Variants in ZC3H12B observed in about 807,000 individuals in gnomAD.
ZC3H12B encodes zinc finger CCCH-type containing 12B.
Under a neutral mutation model 43.9 loss-of-function variants are expected in ZC3H12B, and 7 were observed. That is an observed-to-expected ratio of 0.16 (90% CI 0.09 to 0.30). The LOEUF is 0.30. Ranked by LOEUF, ZC3H12B falls within the 10% of genes least tolerant of loss-of-function variation. ZC3H12B has a pLI of 1.00. For missense variants in ZC3H12B, 475 were observed against 670.2 expected (o/e 0.71, Z 3.22); for synonymous variants, 222 against 241.7 (o/e 0.92, Z 0.76).
At chrX:65,394,241 T>C (rs993875642) in intron 2 of ZC3H12B, among the ~76,000 whole-genome samples, 2 of 112,399 alleles carry the variant, frequency 1.8e-5, no homozygotes, top group Non-Finnish European at 3.8e-5. Context: ...TTTGTTGCCA[T>C]TGCTTTTGGT....
At chrX:65,383,392 C>T (rs181547910) in intron 2 of ZC3H12B, among the ~76,000 whole-genome samples, 10 of 111,788 alleles carry the variant, frequency 8.9e-5, no homozygotes, top group Non-Finnish European at 1.7e-4. Flanking sequence ...GGAAAACTGG[C>T]TAGCCATATG....
the ZC3H12B span, among the ~76,000 whole-genome samples, chrX:65,252,747 G>A: frequency 7.2e-5 from 8 of 111,662 alleles, no homozygotes; most frequent in East Asian, 2.8e-4. Context: ...ATTATTATAC[G>A]TTGTCAGTGA....
intron 3 of ZC3H12B, among the ~76,000 whole-genome samples, chrX:65,465,729 AC>A (rs1010889072): frequency 1.8e-5 from 2 of 110,718 alleles, no homozygotes; most frequent in East Asian, 2.8e-4. Context: ...TTTCTAGTGT[AC>A]CATTTTAATC....
chrX:65,056,351 A>G, the ZC3H12B span, among the ~76,000 whole-genome samples: 1 of 111,216 alleles, frequency 9.0e-6, no homozygotes. Context: ...TTATGTACCC[A>G]GTAGTCATTC....
the ZC3H12B span, among the ~76,000 whole-genome samples, chrX:65,141,937 C>G: frequency 8.9e-6 from 1 of 112,008 alleles, no homozygotes; most frequent in African/African-American, 3.2e-5. Flanking sequence ...GTTGGATTCA[C>G]GTTTTTGCAA....
the ZC3H12B span, among the ~76,000 whole-genome samples, chrX:65,071,289 G>GTTTTTTT: frequency 1.2e-5 from 1 of 80,614 alleles, no homozygotes; most frequent in Admixed American, 1.3e-4. Context: ...CTTTTTTTCA[G>GTTTTTTT]TTTTTTTTTT....
At chrX:65,368,755 G>C (rs748363131) in intron 1 of ZC3H12B, 74 bp from the exon 4 acceptor site, 1 of 112,088 alleles carries the variant, frequency 8.9e-6, no homozygotes, top group Non-Finnish European at 1.9e-5. Context: ...ATGGGTAAAA[G>C]GTGTTTCAGT....
At chrX:65,254,297 C>A in the ZC3H12B span, among the ~76,000 whole-genome samples, 1 of 112,587 alleles carries the variant, frequency 8.9e-6, no homozygotes, top group African/African-American at 3.2e-5. Flanking sequence ...TTGACTGTCA[C>A]CAGCCATTGC....
the ZC3H12B span, among the ~76,000 whole-genome samples, chrX:65,114,709 C>T: frequency 1.8e-5 from 2 of 110,217 alleles, no homozygotes; most frequent in Non-Finnish European, 3.8e-5. Flanking sequence ...TGATTTTTCT[C>T]TAATATTAAA....
chrX:65,397,929 A>G (rs1244220384), intron 2 of ZC3H12B, among the ~76,000 whole-genome samples: 2 of 112,394 alleles, frequency 1.8e-5, no homozygotes, highest in African/African-American at 6.5e-5. Context: ...CAAATTTAAT[A>G]AATTTGCAGG....
rs1273698123 is a variant in ZC3H12B, at chrX:65,388,677, G to A, written n.296-9916G>A. Among the ~76,000 whole-genome samples, 3 of 111,821 alleles carry A rather than the reference G, an allele frequency of 2.7e-5. No homozygotes were observed. The East Asian group carries it at 8.5e-4, about 31-fold the overall frequency. Reference sequence around the variant, plus strand: ...ATTCTCCATCCGGGTTTGTTCCATTGCTGGTGAGGAGCTGCATTCCTTTGG... The same window carrying A: ...ATTCTCCATCCGGGTTTGTTCCATTACTGGTGAGGAGCTGCATTCCTTTGG... On this transcript the variant is annotated intron_variant and non_coding_transcript_variant, in intron 2 of 5. Coordinates refer to the ZC3H12B transcript ENST00000617377.
the ZC3H12B span, among the ~76,000 whole-genome samples, chrX:65,242,511 G>A: frequency 1.8e-5 from 2 of 112,285 alleles, no homozygotes; most frequent in Admixed American, 1.9e-4. Context: ...GAAATATTCT[G>A]TGTTAACAGA....
At chrX:65,164,780 A>T in the ZC3H12B span, among the ~76,000 whole-genome samples, 1 of 112,012 alleles carries the variant, frequency 8.9e-6, no homozygotes, top group African/African-American at 3.2e-5. Flanking sequence ...GTACTCTGAA[A>T]AAAGAGGTAC....
At chrX:65,071,866 C>T in the ZC3H12B span, among the ~76,000 whole-genome samples, 1 of 111,601 alleles carries the variant, frequency 9.0e-6, no homozygotes, top group South Asian at 3.8e-4. Context: ...TGACCTTTCT[C>T]TCTAGCTGCC....
the ZC3H12B span, among the ~76,000 whole-genome samples, chrX:65,206,175 G>A: frequency 9.0e-6 from 1 of 111,679 alleles, no homozygotes; most frequent in Non-Finnish European, 1.9e-5. Context: ...TAAAATTCAT[G>A]TGGAACCAAA....
At chrX:65,089,918 G>A in the ZC3H12B span, among the ~76,000 whole-genome samples, 1 of 111,410 alleles carries the variant, frequency 9.0e-6, no homozygotes, top group East Asian at 2.8e-4. Flanking sequence ...AACACACATG[G>A]AGCTGTCATC....
chrX:65,120,021 C>A, the ZC3H12B span, among the ~76,000 whole-genome samples: 1 of 111,769 alleles, frequency 8.9e-6, no homozygotes, highest in African/African-American at 3.3e-5. Context: ...TGTTTTGGTA[C>A]CAGTACCATG....
chrX:65,402,892 A>G (rs2066780065), intron 3 of ZC3H12B, among the ~76,000 whole-genome samples: 3 of 112,173 alleles, frequency 2.7e-5, no homozygotes, highest in South Asian at 7.3e-4. Context: ...CTAAAATTCA[A>G]TATCAATCAC....
intron 1 of ZC3H12B, 28 bp from the exon 7 acceptor site, chrX:65,497,104 C>T: frequency 1.7e-6 from 2 of 1,181,383 alleles, no homozygotes; most frequent in Non-Finnish European, 2.3e-6. Context: ...TATCAATCTT[C>T]TCTCCTCTTA....
Sources: allele counts gnomAD v4.1 joint callset (sites outside exome capture counted in the v4.1 genomes callset), GRCh38; gene constraint gnomAD v4.1.1; transcripts MANE v1.5; gene names NCBI Gene and HGNC (gene_info 2026-07-23, HGNC 2026-07-21).